Variants in EMILIN2 observed in about 807,000 individuals in gnomAD.
EMILIN2 encodes EMILIN-2.
EMILIN2 carries 71 observed loss-of-function variants against 87.1 expected under a neutral mutation model. That is an observed-to-expected ratio of 0.82 (90% CI 0.67 to 0.99). The LOEUF (loss-of-function observed/expected upper bound fraction) is 0.99. EMILIN2 is among the 50% of genes least tolerant of loss of function. The pLI is 0.00. For missense variants in EMILIN2, 1,407 were observed against 1,371.8 expected (o/e 1.03, Z -0.40); for synonymous variants, 581 against 563.4 (o/e 1.03, Z -0.44).
At chr18:2,867,346 C>CTTTA (rs202209941) in intron 2 of EMILIN2, among the ~76,000 whole-genome samples, 165 of 151,150 alleles carry the variant, frequency 1.1e-3, no homozygotes, top group South Asian at 1.5e-3. Flanking sequence ...GTTTGTAGGT[C>CTTTA]TTTATTTATT....
intron 2 of EMILIN2, among the ~76,000 whole-genome samples, chr18:2,863,101 T>A (rs1462095671): frequency 6.6e-6 from 1 of 152,230 alleles, no homozygotes. Flanking sequence ...ATCTATTTGA[T>A]TCTTCTCTCT....
chr18:2,904,218 T>C (rs937938739), intron 4 of EMILIN2, among the ~76,000 whole-genome samples: 5 of 152,246 alleles, frequency 3.3e-5, no homozygotes, highest in Non-Finnish European at 5.9e-5. Flanking sequence ...AGTCACTTTT[T>C]ATATTTTTTC....
chr18:2,899,649 C>G (rs1040837245), intron 4 of EMILIN2, among the ~76,000 whole-genome samples: 3 of 151,998 alleles, frequency 2.0e-5, no homozygotes, highest in African/African-American at 7.3e-5. Context: ...GGATTACAGG[C>G]GCCCACCACC....
intron 2 of EMILIN2, among the ~76,000 whole-genome samples, chr18:2,860,317 G>A (rs138285082): frequency 6.6e-4 from 101 of 151,982 alleles, no homozygotes; most frequent in African/African-American, 1.7e-3. Context: ...TACATGTGCC[G>A]TGTTGGTGTG....
At chr18:2,912,842 C>A (rs956436171) in intron 7 of EMILIN2, among the ~76,000 whole-genome samples, 1 of 152,164 alleles carries the variant, frequency 6.6e-6, no homozygotes, top group Non-Finnish European at 1.5e-5. Flanking sequence ...AAGAGGCATT[C>A]TTAGGCCCAT....
chr18:2,894,810 A>G lies in EMILIN2; in HGVS notation c.2359+2324A>G, dbSNP rs2076855903. Among the ~76,000 whole-genome samples, 2 of 152,174 alleles carry G rather than the reference A, an allele frequency of 1.3e-5. No individual in the cohort carries two copies. The highest frequency in any genetic ancestry group is 2.9e-5 in the Non-Finnish European group (2 of 68,026). The stretch of plus-strand genomic sequence containing the variant: ...AGCATCCAGGTCTAGGAGACCTGGA[A>G]CCTGAGTATCAGAGGTGCATGGGAG... On this transcript the variant is annotated intron_variant, in intron 4 of 7. Coordinates refer to ENST00000254528, the MANE Select transcript of EMILIN2 (RefSeq NM_032048.3). This position sits in a 1 kb window ranked among gnomAD's most constrained non-coding sequence, Gnocchi z 5.0.
chr18:2,871,741 G>C (rs1322984327), intron 2 of EMILIN2, among the ~76,000 whole-genome samples: 2 of 152,196 alleles, frequency 1.3e-5, no homozygotes, highest in Non-Finnish European at 2.9e-5. Flanking sequence ...AGACATTCAG[G>C]ACCTCATTAT....
chr18:2,907,041 G>T lies in EMILIN2; in HGVS notation c.2618G>T (p.Gly873Val). 1 of 1,283,828 alleles carries T rather than the reference G, an allele frequency of 7.8e-7. No homozygotes were observed. Among genetic ancestry groups the T allele is most frequent in the Non-Finnish European group, 9.8e-7 (1 of 1,020,104 alleles). The allele number at this position is 1,283,828 out of a possible 1,614,324, so 79.5% of individuals were successfully genotyped here. The change falls in exon 5 of 8, where the codon GGG becomes GTG. Residue 873 changes from glycine to valine, a missense_variant. Coordinates refer to ENST00000254528, the MANE Select transcript of EMILIN2 (RefSeq NM_032048.3). The stretch of plus-strand genomic sequence containing the variant: ...CCGCGGGGCGTGGACGGCCAGACCG[G>T]GAGCGGCACCGTCCCCGGCGCAGAA... Reference protein sequence around the residue: ...GLPRGVDGQTGSGTVPGAEGF... With the variant: ...GLPRGVDGQTVSGTVPGAEGF...
chr18:2,850,914 A>C (rs1249219944), intron 2 of EMILIN2, among the ~76,000 whole-genome samples: 1 of 152,066 alleles, frequency 6.6e-6, no homozygotes, highest in African/African-American at 2.4e-5. Flanking sequence ...GAAGTCCTGG[A>C]GGCTTCAGGC....
intron 2 of EMILIN2, among the ~76,000 whole-genome samples, chr18:2,864,027 A>G (rs2076674051): frequency 1.3e-5 from 2 of 152,124 alleles, no homozygotes; most frequent in Non-Finnish European, 2.9e-5. Context: ...GTTTTATCAG[A>G]GACTAGGATT....
Position 2,847,399 on chromosome 18 carries a change from C to A in EMILIN2, c.134+77C>A. ...CCAGTTGAGCCCCAGAGCTGCCCTG[C>A]CAAAGACGACGAGCGGCAGCCGGGG... On this transcript the variant is annotated intron_variant, in intron 1 of 7. Coordinates refer to ENST00000254528, the MANE Select transcript of EMILIN2 (RefSeq NM_032048.3). This position sits in a 1 kb window ranked among gnomAD's most constrained non-coding sequence, Gnocchi z 4.5. 1 of 1,222,608 alleles carries A rather than the reference C, an allele frequency of 8.2e-7. No homozygotes were observed. The highest frequency in any genetic ancestry group is 2.6e-5 in the South Asian group (1 of 37,894). The allele number at this position is 1,222,608 out of a possible 1,614,324, so 75.7% of individuals were successfully genotyped here.
rs2076642746 is a variant in EMILIN2 at position 2,858,573 on chromosome 18, G to GTATATATATATATATATATATA, written c.257+10643_257+10644insATATATATATATATATATATAT. On this transcript the variant is annotated intron_variant, in intron 2 of 7. Coordinates refer to ENST00000254528, the MANE Select transcript of EMILIN2 (RefSeq NM_032048.3). ...TATATATATATATATATATATATGTGTGTGTGTGTGTATATATATATATAT... is the reference window on the plus strand; with the variant it reads ...TATATATATATATATATATATATGTGTATATATATATATATATATATATGTGTGTGTGTATATATATATATAT... Among the ~76,000 whole-genome samples the GTATATATATATATATATATATA allele has an allele frequency of 5.4e-5, 3 of 55,568 alleles. 1 individual carries two copies. The highest frequency in any genetic ancestry group is 6.6e-4 in the East Asian group (1 of 1,516). The allele number at this position is 55,568 out of a possible 152,430, so 36.5% of individuals were successfully genotyped here. A position where few individuals can be genotyped will look rare whatever the true frequency, so the allele number is the denominator to read the frequency against.
chr18:2,865,012 C>G (rs1382303993), intron 2 of EMILIN2, among the ~76,000 whole-genome samples: 2 of 152,224 alleles, frequency 1.3e-5, no homozygotes, highest in African/African-American at 4.8e-5. Context: ...ATCGCATCAG[C>G]TACTGAGGCT....
rs2076892791 is a variant in EMILIN2 at position 2,902,631 on chromosome 18, AGGCGGGGGACTCAGAACGTCAGGCCGG to A, written c.2360-4151_2360-4125del. 2.0e-5 allele frequency among the ~76,000 whole-genome samples: 3 copies of A among 152,310 alleles called. No individual in the cohort carries two copies. The South Asian group carries it at 6.2e-4, about 32-fold the overall frequency. On this transcript the variant is annotated intron_variant, in intron 4 of 7. Coordinates refer to ENST00000254528, the MANE Select transcript of EMILIN2 (RefSeq NM_032048.3). ...TGAGCATACTGATGGCAGCCAAAGGAGGCGGGGGACTCAGAACGTCAGGCCGGAGAGAGTCAGTTTGATTTTTACGAG... is the reference window on the plus strand; with the variant it reads ...TGAGCATACTGATGGCAGCCAAAGGAAGAGAGTCAGTTTGATTTTTACGAG...
At chr18:2,852,508 AT>A (rs2076606455) in intron 2 of EMILIN2, among the ~76,000 whole-genome samples, 3 of 152,244 alleles carry the variant, frequency 2.0e-5, no homozygotes, top group African/African-American at 7.2e-5. Flanking sequence ...TGTGTAAGTA[AT>A]TGTGCAAAAA....
chr18:2,866,734 G>A (rs2076688374), intron 2 of EMILIN2, among the ~76,000 whole-genome samples: 1 of 152,144 alleles, frequency 6.6e-6, no homozygotes, highest in South Asian at 2.1e-4. Flanking sequence ...GTACTATGTT[G>A]AATAGAGAAG....
intron 2 of EMILIN2, among the ~76,000 whole-genome samples, chr18:2,853,465 G>A (rs534567024): frequency 3.4e-4 from 52 of 151,856 alleles, no homozygotes; most frequent in African/African-American, 1.2e-3. Flanking sequence ...GAATCGGAGT[G>A]ACTTGGAATT....
chr18:2,913,648 T>TATTTAA lies in EMILIN2; in HGVS notation c.*244_*245insATTTAA. On this transcript the variant is annotated 3_prime_UTR_variant, in exon 8 of 8. Coordinates refer to ENST00000254528, the MANE Select transcript of EMILIN2 (RefSeq NM_032048.3). ...ACTCTAACTGGACAACTGGAAGACTTGGAAAGGCCTCCACCTGTATCTACA... is the reference window on the plus strand; with the variant it reads ...ACTCTAACTGGACAACTGGAAGACTTATTTAAGGAAAGGCCTCCACCTGTATCTACA... 1 of 479,944 alleles carries TATTTAA rather than the reference T, an allele frequency of 2.1e-6. No homozygotes were observed. Among genetic ancestry groups the TATTTAA allele is most frequent in the Non-Finnish European group, 3.7e-6 (1 of 270,908 alleles). 29.7% of individuals were successfully genotyped at this position (479,944 alleles called of 1,614,324 possible). A position where few individuals can be genotyped will look rare whatever the true frequency, so the allele number is the denominator to read the frequency against.
chr18:2,899,694 G>A (rs1598503212), intron 4 of EMILIN2, among the ~76,000 whole-genome samples: 2 of 152,194 alleles, frequency 1.3e-5, no homozygotes, highest in Middle Eastern at 3.4e-3. Flanking sequence ...AGTAGAGACA[G>A]GGTTTCACCA....
Sources: allele counts gnomAD v4.1 joint callset (sites outside exome capture counted in the v4.1 genomes callset), GRCh38; gene constraint gnomAD v4.1.1; non-coding constraint Gnocchi (gnomAD v3.1); transcripts MANE v1.5; gene names NCBI Gene and HGNC (gene_info 2026-07-23, HGNC 2026-07-21).